The following KAZN variants were observed in gnomAD, a reference collection of about 807,000 sequenced individuals.
KAZN encodes the protein kazrin, periplakin interacting protein.
KAZN carries 40 observed loss-of-function variants against 87.4 expected under a neutral mutation model. The observed-to-expected ratio is 0.46, with a 90% CI of 0.36 to 0.60. The LOEUF is 0.60. KAZN is among the 20% of genes least tolerant of loss of function. The pLI is 0.00. For missense variants in KAZN, 898 were observed against 1,073.9 expected, an observed-to-expected ratio of 0.84 and a Z score of 2.29; for synonymous variants, 466 against 458.3, an observed-to-expected ratio of 1.02 and a Z score of -0.22.
intron 1 of KAZN, among the ~76,000 whole-genome samples, chr1:14,764,930 T>C (rs1644847643): frequency 6.6e-6 from 1 of 152,182 alleles, no homozygotes; most frequent in South Asian, 2.1e-4. Context: ...GGAAATGAGA[T>C]TCAGAGAAGC....
rs145931891 is a variant in KAZN at position 14,736,978 on chromosome 1, A to C, written c.226+137755A>C. ...CCTGAGAGAGCCGACTTTCTTATGAAAGAGATCGGCGATCGAGATCAATAA... is the reference window on the plus strand; with the variant it reads ...CCTGAGAGAGCCGACTTTCTTATGACAGAGATCGGCGATCGAGATCAATAA... On this transcript the variant is annotated intron_variant, in intron 1 of 14. Coordinates refer to ENST00000376030, the MANE Select transcript of KAZN (RefSeq NM_201628.3). Among the ~76,000 whole-genome samples the C allele has an allele frequency of 4.5e-3, 684 of 152,268 alleles. 5 individuals are homozygous for C. Among genetic ancestry groups the C allele is most frequent in the African/African-American group, 0.014 (601 of 41,536 alleles).
At chr1:14,790,077 A>G (rs1645629180) in intron 1 of KAZN, among the ~76,000 whole-genome samples, 1 of 151,744 alleles carries the variant, frequency 6.6e-6, no homozygotes, top group South Asian at 2.1e-4. Flanking sequence ...ATCTTGACTC[A>G]CCGCAACCTC....
At chr1:14,836,929 G>A (rs1388738293) in intron 1 of KAZN, among the ~76,000 whole-genome samples, 2 of 152,128 alleles carry the variant, frequency 1.3e-5, no homozygotes, top group African/African-American at 4.8e-5. Context: ...ACCTGCAGGT[G>A]CTTCCCGTCC....
Position 15,065,545 on chromosome 1 carries a change from T to C in KAZN, c.1099-85T>C, listed in dbSNP as rs908755276. The C allele has an allele frequency of 5.8e-6, 7 of 1,197,714 alleles. No homozygotes were observed. The African/African-American group carries it at 9.2e-5, about 16-fold the overall frequency. The allele number at this position is 1,197,714 out of a possible 1,614,324, so 74.2% of individuals were successfully genotyped here. A position where few individuals can be genotyped will look rare whatever the true frequency, so the allele number is the denominator to read the frequency against. ...TCAGAGAGGCCTTCCCCACCCCGGA[T>C]CCCATCCACTGCAGTCTGCACCCCA... On this transcript the variant is annotated intron_variant, in intron 7 of 14. Coordinates refer to ENST00000376030, the MANE Select transcript of KAZN (RefSeq NM_201628.3).
chr1:14,356,083 C>T (rs1044953645), intron 2 of KAZN, among the ~76,000 whole-genome samples: 14 of 152,328 alleles, frequency 9.2e-5, no homozygotes, highest in Non-Finnish European at 1.6e-4. Flanking sequence ...ACATCCTCTC[C>T]AGCATCTGTT....
chr1:14,897,366 G>C (rs983323642), intron 1 of KAZN, among the ~76,000 whole-genome samples: 1 of 152,136 alleles, frequency 6.6e-6, no homozygotes, highest in Non-Finnish European at 1.5e-5. Context: ...CACTGGCAAG[G>C]ATTATGGGAT....
intron 1 of KAZN, among the ~76,000 whole-genome samples, chr1:14,065,553 T>G (rs1642974345): frequency 7.0e-6 from 1 of 143,360 alleles, no homozygotes; most frequent in African/African-American, 2.6e-5. Flanking sequence ...TTGGGCCAAA[T>G]CAGAAATGCA....
intron 1 of KAZN, among the ~76,000 whole-genome samples, chr1:14,802,078 C>G (rs773642078): frequency 6.6e-6 from 1 of 152,012 alleles, no homozygotes; most frequent in Non-Finnish European, 1.5e-5. Context: ...GTCCAGAAAG[C>G]TTTCGTCGAC....
At chr1:15,069,038 AAT>A (rs1051023683) in intron 8 of KAZN, among the ~76,000 whole-genome samples, 1 of 151,972 alleles carries the variant, frequency 6.6e-6, no homozygotes, top group Non-Finnish European at 1.5e-5. Context: ...GAAAAAAAAA[AAT>A]ACTCATTCCA....
intron 1 of KAZN, among the ~76,000 whole-genome samples, chr1:14,153,484 T>A (rs1406496297): frequency 2.6e-5 from 4 of 152,170 alleles, no homozygotes; most frequent in Non-Finnish European, 5.9e-5. Flanking sequence ...TTGTCAAAAC[T>A]GAGTTTGCTG....
intron 1 of KAZN, among the ~76,000 whole-genome samples, chr1:14,705,427 G>C (rs1642159280): frequency 6.6e-6 from 1 of 152,040 alleles, no homozygotes; most frequent in Non-Finnish European, 1.5e-5. Flanking sequence ...TCCTACTACT[G>C]GACATTGATC....
intron 2 of KAZN, among the ~76,000 whole-genome samples, chr1:14,385,057 G>T (rs1482718975): frequency 6.6e-6 from 1 of 151,582 alleles, no homozygotes; most frequent in East Asian, 1.9e-4. Flanking sequence ...GAGTGTATGT[G>T]TCGAGGAATT....
At chr1:14,222,778 G>C (rs1647134524) in intron 2 of KAZN, among the ~76,000 whole-genome samples, 1 of 152,150 alleles carries the variant, frequency 6.6e-6, no homozygotes, top group Non-Finnish European at 1.5e-5. Context: ...TTCACTACCA[G>C]AGTTGGTCTT....
intron 2 of KAZN, among the ~76,000 whole-genome samples, chr1:14,384,754 C>G (rs867698096): frequency 6.6e-6 from 1 of 151,316 alleles, no homozygotes; most frequent in Admixed American, 6.6e-5. Context: ...CAATGTTCAT[C>G]GCGGATATTG....
intron 2 of KAZN, among the ~76,000 whole-genome samples, chr1:14,980,838 G>A (rs766288986): frequency 1.3e-5 from 2 of 152,052 alleles, no homozygotes; most frequent in Non-Finnish European, 2.9e-5. Context: ...CTTTCAGATC[G>A]AGGCCTCAGG....
At chr1:14,531,882 C>T (rs1401410331) in intron 2 of KAZN, among the ~76,000 whole-genome samples, 2 of 152,144 alleles carry the variant, frequency 1.3e-5, no homozygotes, top group Non-Finnish European at 2.9e-5. Flanking sequence ...TCAAACTCTG[C>T]TCACTGAATC....
chr1:14,966,250 G>A (rs1664446242), intron 2 of KAZN, among the ~76,000 whole-genome samples: 1 of 152,152 alleles, frequency 6.6e-6, no homozygotes, highest in Non-Finnish European at 1.5e-5. Context: ...AAAGTGCTGG[G>A]ATTACAGGCG....
intron 1 of KAZN, among the ~76,000 whole-genome samples, chr1:14,628,701 C>A (rs946351863): frequency 6.6e-6 from 1 of 152,154 alleles, no homozygotes; most frequent in Non-Finnish European, 1.5e-5. Context: ...AGGGGTGGGT[C>A]CCACCGTCCC....
intron 2 of KAZN, among the ~76,000 whole-genome samples, chr1:14,580,475 CAAAT>C (rs34947660): frequency 0.69 from 99,005 of 144,128 alleles, 35,726 homozygotes; most frequent in South Asian, 0.8. Context: ...AACTCTATCT[CAAAT>C]AAATAAATAA....
Sources: gnomAD v4.1 joint callset for allele counts (sites outside exome capture counted in the v4.1 genomes callset) on GRCh38, gnomAD v4.1.1 for gene constraint, MANE v1.5 for transcripts, NCBI Gene and HGNC (gene_info 2026-07-23, HGNC 2026-07-21) for gene names.